The following SCARA5 variants were observed in gnomAD, a reference collection of about 807,000 sequenced individuals.
SCARA5 encodes scavenger receptor class A, member 5 (putative).
A neutral mutation model predicts 46.3 loss-of-function variants in SCARA5; 45 were observed. The ratio of observed to expected loss-of-function variants is 0.97; its 90% CI spans 0.76 to 1.24. The LOEUF is 1.24. Ranked by LOEUF, SCARA5 falls within the 50% of genes most tolerant of loss-of-function variation. SCARA5 has a pLI of 0.00. For missense variants in SCARA5, 680 were observed against 689.0 expected (o/e 0.99, Z 0.15); for synonymous variants, 333 against 306.5 (o/e 1.09, Z -0.90).
At chr8:27,976,183 ACAC>A (rs1383036823) in intron 2 of SCARA5, among the ~76,000 whole-genome samples, 2 of 152,166 alleles carry the variant, frequency 1.3e-5, no homozygotes, top group Non-Finnish European at 2.9e-5. Flanking sequence ...GTGAGCTGGG[ACAC>A]CACTGCAGCC....
At chr8:27,945,743 T>G (rs777158268) in intron 3 of SCARA5, among the ~76,000 whole-genome samples, 1 of 152,220 alleles carries the variant, frequency 6.6e-6, no homozygotes, top group Admixed American at 6.5e-5. Flanking sequence ...AATGCCTGAT[T>G]TGACCTCACA....
rs963606028 is a variant in SCARA5 at position 27,877,507 on chromosome 8, A to G, written c.1351+2062T>C. Reference sequence around the variant, plus strand: ...CACCAACTGGCAGAGTCAGGCTAACATGACCTGTGATCTTCAAACTACCTA... The same window carrying G: ...CACCAACTGGCAGAGTCAGGCTAACGTGACCTGTGATCTTCAAACTACCTA... On this transcript the variant is annotated intron_variant, in intron 8 of 8. Coordinates refer to ENST00000354914, the MANE Select transcript of SCARA5 (RefSeq NM_173833.6). Among the ~76,000 whole-genome samples, 55 of 152,188 alleles carry G rather than the reference A, an allele frequency of 3.6e-4. 2 individuals carry two copies. Among genetic ancestry groups the G allele is most frequent in the Admixed American group, 3.9e-4 (6 of 15,284 alleles).
intron 3 of SCARA5, among the ~76,000 whole-genome samples, chr8:27,959,209 G>A (rs1371734049): frequency 1.3e-5 from 2 of 152,058 alleles, no homozygotes; most frequent in African/African-American, 2.4e-5. Context: ...CTCTAGCCTG[G>A]GTAACAGAGT....
At chr8:27,923,109 G>A (rs1807624784) in intron 3 of SCARA5, among the ~76,000 whole-genome samples, 2 of 152,322 alleles carry the variant, frequency 1.3e-5, no homozygotes, top group African/African-American at 4.8e-5. Flanking sequence ...GCATTGCCCA[G>A]GGTAAAAATT....
chr8:27,892,330 C>G (rs1377246392), intron 7 of SCARA5, among the ~76,000 whole-genome samples: 1 of 152,230 alleles, frequency 6.6e-6, no homozygotes. Flanking sequence ...CCTTGCATAT[C>G]CTCATTACTT....
chr8:27,882,883 C>A (rs959338024), intron 7 of SCARA5, among the ~76,000 whole-genome samples: 1 of 152,184 alleles, frequency 6.6e-6, no homozygotes. Flanking sequence ...TAGCACCTGG[C>A]ACATAATAGG....
intron 2 of SCARA5, among the ~76,000 whole-genome samples, chr8:27,980,805 C>A (rs761751079): frequency 7.9e-5 from 12 of 152,212 alleles, no homozygotes; most frequent in Non-Finnish European, 1.5e-4. Flanking sequence ...ATTCGAGAAA[C>A]AGGACTAAAG....
Position 27,909,684 on chromosome 8 carries a change from G to A in SCARA5, c.976C>T (p.Pro326Ser), listed in dbSNP as rs1231068364. 6.4e-7 allele frequency: 1 copy of A among 1,551,340 alleles called. No individual in the cohort carries two copies. ...TTACCTCGAAGTCCAGGCAATCCAG[G>A]GATGCCAGGCCTGCCTTCCTTTCCT... is the stretch of plus-strand genomic sequence containing the variant. ...DEGKEGRPGI[P>S]GLPGLRGLPG... The change falls in exon 5 of 9, where the codon CCT becomes TCT. Residue 326 changes from proline (P) to serine (S), a missense_variant. This residue lies in a region of SCARA5 where 219 missense variants were observed against 269.5 expected (regional missense o/e 0.81). Coordinates refer to ENST00000354914, the MANE Select transcript of SCARA5 (RefSeq NM_173833.6).
chr8:27,954,068 A>G (rs1300948999), intron 3 of SCARA5, among the ~76,000 whole-genome samples: 1 of 152,048 alleles, frequency 6.6e-6, no homozygotes, highest in African/African-American at 2.4e-5. Context: ...TGAGGGCAGA[A>G]CTCATCGTTC....
intron 7 of SCARA5, among the ~76,000 whole-genome samples, chr8:27,891,363 G>A (rs1319043076): frequency 6.6e-6 from 1 of 152,050 alleles, no homozygotes; most frequent in African/African-American, 2.4e-5. Flanking sequence ...GCACCACCAT[G>A]CCCGGCTACT....
chr8:27,952,439 AC>A (rs1048208405), intron 3 of SCARA5, among the ~76,000 whole-genome samples: 21 of 152,130 alleles, frequency 1.4e-4, no homozygotes, highest in African/African-American at 4.3e-4. Flanking sequence ...GTCTTTATGG[AC>A]CAAGTCCTTG....
intron 2 of SCARA5, among the ~76,000 whole-genome samples, chr8:27,983,570 T>C (rs1009538594): frequency 1.3e-5 from 2 of 152,216 alleles, no homozygotes; most frequent in Admixed American, 6.5e-5. Flanking sequence ...ACTGATGACT[T>C]GAGTGGACTT....
intron 7 of SCARA5, among the ~76,000 whole-genome samples, chr8:27,888,771 AAAGAG>A (rs1411549152): frequency 6.6e-6 from 1 of 152,214 alleles, no homozygotes; most frequent in African/African-American, 2.4e-5. Context: ...AGAGAAGCAG[AAAGAG>A]AAAAGTGCTG....
intron 3 of SCARA5, among the ~76,000 whole-genome samples, chr8:27,960,748 T>C (rs560234012): frequency 7.2e-5 from 11 of 152,176 alleles, no homozygotes; most frequent in African/African-American, 1.9e-4. Flanking sequence ...CAGAGAACAA[T>C]AGAAGTATCA....
chr8:27,967,810 G>A (rs1170253426), intron 2 of SCARA5, among the ~76,000 whole-genome samples: 1 of 152,134 alleles, frequency 6.6e-6, no homozygotes, highest in African/African-American at 2.4e-5. Flanking sequence ...CTACTTGGGA[G>A]GCTGAGGCAG....
chr8:27,947,072 T>C (rs931893582), intron 3 of SCARA5, among the ~76,000 whole-genome samples: 1 of 151,176 alleles, frequency 6.6e-6, no homozygotes, highest in Admixed American at 6.6e-5. Flanking sequence ...AGTGCAGTAG[T>C]GTGGCTTTGG....
At chr8:27,920,869 G>A (rs753609256) in intron 4 of SCARA5, among the ~76,000 whole-genome samples, 3 of 151,138 alleles carry the variant, frequency 2.0e-5, no homozygotes, top group Non-Finnish European at 4.4e-5. Context: ...CCAGCTACTT[G>A]GGAGGCTGAG....
intron 2 of SCARA5, 134 bp from the exon 3 acceptor site, chr8:27,966,676 C>T (rs1808374804): frequency 1.0e-6 from 1 of 964,710 alleles, no homozygotes; most frequent in African/African-American, 1.6e-5. Context: ...TTTTGCATGT[C>T]TAGAATGCAG....
chr8:27,882,348 A>T (rs541882565), intron 7 of SCARA5, among the ~76,000 whole-genome samples: 6 of 152,354 alleles, frequency 3.9e-5, no homozygotes, highest in Admixed American at 3.9e-4. Flanking sequence ...TAAAGCTGCT[A>T]TAAATATCCA....
Sources: allele counts gnomAD v4.1 joint callset (sites outside exome capture counted in the v4.1 genomes callset), GRCh38; gene constraint gnomAD v4.1.1; regional missense constraint gnomAD v4.1.1; transcripts MANE v1.5; gene names NCBI Gene and HGNC (gene_info 2026-07-23, HGNC 2026-07-21).